Variants in EYS observed in about 807,000 individuals in gnomAD.
EYS encodes protein eyes shut homolog.
Under a neutral mutation model 282.1 loss-of-function variants are expected in EYS, and 250 were observed. The observed-to-expected ratio is 0.89, with a 90% CI of 0.80 to 0.98. The LOEUF (loss-of-function observed/expected upper bound fraction) is 0.98, where lower values mean the gene tolerates loss of function less well. Among genes scored for constraint, EYS ranks in the 50% least tolerant of loss-of-function variants. EYS has a pLI of 0.00. For missense variants in EYS, 4,016 were observed against 3,709.0 expected (o/e 1.08, Z -2.15); for synonymous variants, 1,355 against 1,282.9 (o/e 1.06, Z -1.20).
intron 12 of EYS, among the ~76,000 whole-genome samples, chr6:65,161,915 T>C (rs560477351): frequency 6.6e-6 from 1 of 151,176 alleles, no homozygotes; most frequent in Admixed American, 6.6e-5. Flanking sequence ...AATTGAAATA[T>C]TTTTAGTTTC....
At chr6:64,445,877 G>A (rs1361492945) in intron 26 of EYS, among the ~76,000 whole-genome samples, 1 of 152,090 alleles carries the variant, frequency 6.6e-6, no homozygotes, top group African/African-American at 2.4e-5. Context: ...TGAGAGCTAT[G>A]GACCAGGGTT....
intron 2 of EYS, among the ~76,000 whole-genome samples, chr6:65,605,748 T>G (rs1224953677): frequency 6.6e-6 from 1 of 151,870 alleles, no homozygotes; most frequent in Non-Finnish European, 1.5e-5. Context: ...CATAAAAAGA[T>G]AGCCACACTT....
intron 26 of EYS, among the ~76,000 whole-genome samples, chr6:64,447,695 T>C (rs984907552): frequency 3.9e-5 from 6 of 152,290 alleles, no homozygotes; most frequent in African/African-American, 1.4e-4. Context: ...GTTTAAGATT[T>C]GCAGAGACTC....
chr6:65,664,060 C>T (rs1163622295), intron 1 of EYS, among the ~76,000 whole-genome samples: 2 of 151,684 alleles, frequency 1.3e-5, no homozygotes, highest in South Asian at 4.2e-4. Context: ...TTAGTGGAGA[C>T]GGGGTTTCAC....
chr6:63,723,788 C>CATTATTATTATTATT (rs57873412), intron 42 of EYS, among the ~76,000 whole-genome samples: 2 of 138,182 alleles, frequency 1.4e-5, no homozygotes, highest in Non-Finnish European at 3.1e-5. Flanking sequence ...TACACATTGG[C>CATTATTATTATTATT]ATTATTATTA....
intron 35 of EYS, among the ~76,000 whole-genome samples, chr6:63,867,411 ATTT>A (rs750374872): frequency 7.9e-5 from 12 of 152,078 alleles, no homozygotes; most frequent in Non-Finnish European, 1.5e-4. Flanking sequence ...AAGTCAGGAG[ATTT>A]TTCTGAATTA....
intron 1 of EYS, among the ~76,000 whole-genome samples, chr6:65,680,574 C>A (rs1442755946): frequency 1.3e-5 from 2 of 151,888 alleles, no homozygotes; most frequent in East Asian, 3.9e-4. Context: ...TATGGCTAAA[C>A]TAATATCTTG....
chr6:64,155,344 A>ATT (rs5876880), intron 31 of EYS, among the ~76,000 whole-genome samples: 45 of 146,668 alleles, frequency 3.1e-4, no homozygotes, highest in African/African-American at 1.1e-3. Flanking sequence ...GCAGCACATA[A>ATT]TTTTTTTTTT....
intron 34 of EYS, among the ~76,000 whole-genome samples, chr6:63,991,819 A>T (rs1488236567): frequency 2.0e-5 from 3 of 151,806 alleles, no homozygotes; most frequent in South Asian, 2.1e-4. Flanking sequence ...CCAAAACCAG[A>T]GAATTTTAAA....
chr6:65,503,186 C>T (rs919084113), intron 2 of EYS, among the ~76,000 whole-genome samples: 2 of 151,608 alleles, frequency 1.3e-5, no homozygotes, highest in South Asian at 2.1e-4. Context: ...TTACTGGTAT[C>T]TCATTGTTGC....
At chr6:65,206,397 A>T (rs1437649489) in intron 12 of EYS, among the ~76,000 whole-genome samples, 4 of 151,664 alleles carry the variant, frequency 2.6e-5, no homozygotes, top group Non-Finnish European at 5.9e-5. Context: ...TCAATTAAAA[A>T]AAAAATTATA....
At chr6:64,012,870 G>C (rs1768707039) in intron 33 of EYS, among the ~76,000 whole-genome samples, 1 of 152,134 alleles carries the variant, frequency 6.6e-6, no homozygotes, top group Non-Finnish European at 1.5e-5. Context: ...AAAGCATCCT[G>C]TTTTTGCTTA....
chr6:65,197,873 G>A, intron 12 of EYS, among the ~76,000 whole-genome samples: 1 of 151,982 alleles, frequency 6.6e-6, no homozygotes, highest in Non-Finnish European at 1.5e-5. Flanking sequence ...AAATGTGAAG[G>A]CCCAGGACAT....
At chr6:63,977,870 AG>A (rs1385636675) in intron 35 of EYS, among the ~76,000 whole-genome samples, 1 of 152,082 alleles carries the variant, frequency 6.6e-6, no homozygotes, top group African/African-American at 2.4e-5. Context: ...AGGGATAGAA[AG>A]AAATCAAGAA....
At chr6:65,596,576 T>C (rs972571577) in intron 2 of EYS, among the ~76,000 whole-genome samples, 4 of 152,038 alleles carry the variant, frequency 2.6e-5, no homozygotes, top group Non-Finnish European at 5.9e-5. Context: ...CTGGTTTTCA[T>C]GTACAGTGAG....
intron 31 of EYS, among the ~76,000 whole-genome samples, chr6:64,150,228 T>TG (rs998168532): frequency 6.6e-6 from 1 of 152,200 alleles, no homozygotes; most frequent in African/African-American, 2.4e-5. Flanking sequence ...TTAAGCACAT[T>TG]ATGTTTGAGA....
At chr6:64,661,974 G>C (rs1362657658) in intron 22 of EYS, among the ~76,000 whole-genome samples, 1 of 151,542 alleles carries the variant, frequency 6.6e-6, no homozygotes, top group Non-Finnish European at 1.5e-5. Flanking sequence ...CAAAGACTTG[G>C]AACCAACCCA....
chr6:64,152,421 C>T (rs973241597), intron 31 of EYS, among the ~76,000 whole-genome samples: 5 of 152,124 alleles, frequency 3.3e-5, no homozygotes, highest in Non-Finnish European at 7.4e-5. Context: ...AATGTGGTTG[C>T]ATCTGTCTTG....
intron 12 of EYS, among the ~76,000 whole-genome samples, chr6:65,141,462 T>C (rs1581948488): frequency 6.6e-6 from 1 of 151,754 alleles, no homozygotes; most frequent in African/African-American, 2.4e-5. Context: ...CTGCACATTG[T>C]GCACATGTAC....
Sources: gnomAD v4.1 joint callset for allele counts (sites outside exome capture counted in the v4.1 genomes callset) on GRCh38, gnomAD v4.1.1 for gene constraint, MANE v1.5 for transcripts, NCBI Gene and HGNC (gene_info 2026-07-23, HGNC 2026-07-21) for gene names.